The following EPB41L4A variants were observed in gnomAD, a reference collection of about 807,000 sequenced individuals.
The protein encoded by EPB41L4A is band 4.1-like protein 4A.
Under a neutral mutation model 108.6 loss-of-function variants are expected in EPB41L4A, and 100 were observed. That is an observed-to-expected ratio of 0.92 (90% CI 0.78 to 1.09). The LOEUF (loss-of-function observed/expected upper bound fraction) is 1.09, where lower values mean the gene tolerates loss of function less well. EPB41L4A is among the 50% of genes least tolerant of loss of function. EPB41L4A has a pLI of 0.00. For missense variants in EPB41L4A, 1,030 were observed against 842.7 expected (o/e 1.22, Z -2.75); for synonymous variants, 319 against 289.0 (o/e 1.10, Z -1.05).
At chr5:112,210,509 A>C (rs1225768140) in intron 12 of EPB41L4A, among the ~76,000 whole-genome samples, 5 of 152,258 alleles carry the variant, frequency 3.3e-5, no homozygotes, top group Non-Finnish European at 7.3e-5. Flanking sequence ...GACATTTTCA[A>C]ATGTGTTCTT....
chr5:112,151,057 C>G lies in EPB41L4A; in HGVS notation n.995-5059G>C, dbSNP rs539907881. On this transcript the variant is annotated intron_variant and non_coding_transcript_variant, in intron 12 of 13. Coordinates refer to the EPB41L4A transcript ENST00000507810. ...TCTGAGATTCTGCATTTCTAATAAGCTCTCTAAGTGATGTTGATGCTGATG... is the reference window on the plus strand; with the variant it reads ...TCTGAGATTCTGCATTTCTAATAAGGTCTCTAAGTGATGTTGATGCTGATG... Among the ~76,000 whole-genome samples the G allele has an allele frequency of 3.9e-5, 6 of 152,194 alleles. No individual in the cohort carries two copies. The East Asian group carries it at 1.2e-3, about 29-fold the overall frequency.
intron 4 of EPB41L4A, among the ~76,000 whole-genome samples, chr5:112,268,229 A>C (rs558302647): frequency 2.5e-4 from 38 of 152,280 alleles, no homozygotes; most frequent in African/African-American, 8.7e-4. Flanking sequence ...TAAAAATACA[A>C]AAGTTAGGAG....
At position 112,248,997 on chromosome 5, in the gene EPB41L4A, C is replaced by T. The variant is rs143730710; in HGVS notation, c.796-8187G>A. ...ATGGGTATGAATACCTTTCTTAATCCCATTATATACCTGGCTCACATCCAA... is the reference window on the plus strand; with the variant it reads ...ATGGGTATGAATACCTTTCTTAATCTCATTATATACCTGGCTCACATCCAA... On this transcript the variant is annotated intron_variant, in intron 9 of 22. Transcript: ENST00000261486. 2.6e-5 allele frequency: 4 copies of T among 152,260 alleles called. No individual in the cohort carries two copies. In the East Asian group the frequency reaches 5.8e-4, roughly 22 times the overall value. 9.4% of individuals were successfully genotyped at this position (152,260 alleles called of 1,614,324 possible).
chr5:112,257,675 A>G (rs1356354159), intron 9 of EPB41L4A, among the ~76,000 whole-genome samples: 1 of 152,216 alleles, frequency 6.6e-6, no homozygotes, highest in East Asian at 1.9e-4. Context: ...GTCATTCACC[A>G]GAGGACCTCA....
intron 2 of EPB41L4A, among the ~76,000 whole-genome samples, chr5:112,303,021 C>G (rs927153159): frequency 1.3e-5 from 2 of 152,180 alleles, no homozygotes; most frequent in African/African-American, 4.8e-5. Context: ...CTTTCTGCTT[C>G]TTGATCTTTC....
chr5:112,419,325 T>A, upstream of EPB41L4A: 1 of 341,808 alleles, frequency 2.9e-6, no homozygotes, highest in Non-Finnish European at 5.4e-6. Flanking sequence ...CGGCTCGAGC[T>A]CCTCCGAAGG....
intron 18 of EPB41L4A, among the ~76,000 whole-genome samples, chr5:112,173,191 A>C (rs1760681150): frequency 6.6e-6 from 1 of 152,206 alleles, no homozygotes; most frequent in Non-Finnish European, 1.5e-5. Context: ...AGCAGAACCT[A>C]AATCTTAAAA....
chr5:112,218,511 C>G (rs1222394181), intron 12 of EPB41L4A, among the ~76,000 whole-genome samples: 1 of 152,188 alleles, frequency 6.6e-6, no homozygotes. Context: ...AAACATTCTC[C>G]AGCCATCTCT....
intron 22 of EPB41L4A, among the ~76,000 whole-genome samples, chr5:112,167,761 T>C (rs1760339588): frequency 6.6e-6 from 1 of 152,070 alleles, no homozygotes; most frequent in South Asian, 2.1e-4. Context: ...TCCAACAAGC[T>C]TCCTGCATGC....
chr5:112,240,239 C>T (rs1033716985), intron 10 of EPB41L4A, among the ~76,000 whole-genome samples: 1 of 152,186 alleles, frequency 6.6e-6, no homozygotes, highest in African/African-American at 2.4e-5. Flanking sequence ...GCTTCTCTCT[C>T]CACTGTTTCC....
chr5:112,248,865 T>C (rs1750431281), intron 9 of EPB41L4A, among the ~76,000 whole-genome samples: 1 of 152,160 alleles, frequency 6.6e-6, no homozygotes, highest in South Asian at 2.1e-4. Flanking sequence ...AAGCCTGTAT[T>C]CTTGACACAA....
chr5:112,275,628 T>C (rs565396893), intron 3 of EPB41L4A, among the ~76,000 whole-genome samples: 12 of 152,292 alleles, frequency 7.9e-5, no homozygotes, highest in African/African-American at 2.9e-4. Flanking sequence ...TGCTGGTTCT[T>C]ATGTCTGGTT....
chr5:112,185,612 T>C (rs1035764104), intron 17 of EPB41L4A, among the ~76,000 whole-genome samples: 14 of 152,192 alleles, frequency 9.2e-5, no homozygotes, highest in Non-Finnish European at 1.8e-4. Context: ...AATAGGCTAT[T>C]ATTTGAAGAT....
chr5:112,355,492 TTATC>T (rs778867603), intron 1 of EPB41L4A, among the ~76,000 whole-genome samples: 1 of 152,172 alleles, frequency 6.6e-6, no homozygotes, highest in Non-Finnish European at 1.5e-5. Context: ...CTAAATGTGT[TTATC>T]TATCAGCACA....
At chr5:112,221,936 G>A (rs896998140) in intron 12 of EPB41L4A, among the ~76,000 whole-genome samples, 17 of 152,286 alleles carry the variant, frequency 1.1e-4, no homozygotes, top group African/African-American at 3.6e-4. Flanking sequence ...TTTACAGATG[G>A]AAAATAAGCC....
At chr5:112,155,314 T>C (rs1218151337) in intron 12 of EPB41L4A, among the ~76,000 whole-genome samples, 2 of 150,954 alleles carry the variant, frequency 1.3e-5, no homozygotes, top group South Asian at 2.1e-4. Flanking sequence ...GATATTTACA[T>C]AGAAAAAAAT....
At chr5:112,177,086 A>AAT (rs376321682) in intron 18 of EPB41L4A, among the ~76,000 whole-genome samples, 8 of 151,712 alleles carry the variant, frequency 5.3e-5, no homozygotes, top group East Asian at 3.9e-4. Context: ...TATCCACACA[A>AAT]ATATATATAT....
intron 13 of EPB41L4A, chr5:112,206,858 G>A (rs563539630): frequency 6.6e-6 from 1 of 152,252 alleles, no homozygotes; most frequent in South Asian, 2.1e-4. Context: ...TGTTAAAATG[G>A]CCATACAGCC....
At chr5:112,171,790 G>C (rs575047638) in intron 18 of EPB41L4A, among the ~76,000 whole-genome samples, 1 of 152,158 alleles carries the variant, frequency 6.6e-6, no homozygotes, top group South Asian at 2.1e-4. Context: ...TTTCTTCATA[G>C]TGAGAAAATA....
Sources: allele counts gnomAD v4.1 joint callset (sites outside exome capture counted in the v4.1 genomes callset), GRCh38; gene constraint gnomAD v4.1.1; transcripts MANE v1.5; gene names NCBI Gene and HGNC (gene_info 2026-07-23, HGNC 2026-07-21).